TFCP2: variants seen among roughly 807,000 people sequenced by gnomAD.
TFCP2 encodes the protein transcription factor CP2.
TFCP2 carries 33 observed loss-of-function variants against 73.4 expected under a neutral mutation model. That is an observed-to-expected ratio of 0.45 (90% CI 0.34 to 0.60). The LOEUF is 0.60. Among genes scored for constraint, TFCP2 ranks in the 20% least tolerant of loss-of-function variants. The pLI, the probability that TFCP2 is intolerant of heterozygous loss-of-function variation, is 0.01. For synonymous variants in TFCP2, 193 were observed against 211.6 expected (o/e 0.91, Z 0.76); for missense variants, 352 against 604.0 (o/e 0.58, Z 4.37).
intron 1 of TFCP2, among the ~76,000 whole-genome samples, chr12:51,127,920 C>A (rs1370681734): frequency 2.4e-5 from 1 of 41,666 alleles, no homozygotes; most frequent in Non-Finnish European, 6.7e-5. Context: ...AAGCAATTTT[C>A]TTTTCTTTTT....
rs901361396 is a variant in TFCP2 at position 51,172,736 on chromosome 12, T to A, written c.-314A>T. ...TGGACTCCCGCACTCCCACTCCTCT[T>A]GAGAGTTCGTAGTGGTGGCTTGCTG... On this transcript the variant is annotated 5_prime_UTR_variant, in exon 1 of 15. Transcript: ENST00000257915. 3 of 241,206 alleles carry A rather than the reference T, an allele frequency of 1.2e-5. No individual in the cohort carries two copies. The allele number at this position is 241,206 out of a possible 1,614,324, so 14.9% of individuals were successfully genotyped here. A position where few individuals can be genotyped will look rare whatever the true frequency, so the allele number is the denominator to read the frequency against.
intron 6 of TFCP2, among the ~76,000 whole-genome samples, chr12:51,107,896 G>A (rs1940292487): frequency 1.3e-5 from 2 of 151,780 alleles, no homozygotes; most frequent in South Asian, 2.1e-4. Flanking sequence ...GAGCCACCGT[G>A]CCTAGCCTCA....
intron 1 of TFCP2, among the ~76,000 whole-genome samples, chr12:51,128,886 G>A (rs937060457): frequency 3.5e-4 from 54 of 152,136 alleles, no homozygotes; most frequent in Non-Finnish European, 2.1e-4. Flanking sequence ...TAAATACCCT[G>A]TATGACATAA....
In TFCP2 at chr12:51,107,286, G is replaced by C; in HGVS notation, c.778C>G (p.His260Asp). Reference sequence around the variant, plus strand: ...GAAGGCTGATATTTCTCCTTTTCATGAGGTGTTCGTTTCTCCATTTTTTCC... The same window carrying C: ...GAAGGCTGATATTTCTCCTTTTCATCAGGTGTTCGTTTCTCCATTTTTTCC... ...DREKMEKRTP[H>D]EKEKYQPSYE... Residue 260 changes from histidine to aspartate, a missense_variant, in exon 7 of 15, where the codon CAT (histidine) becomes GAT (aspartate). Transcript: ENST00000257915. 6.2e-7 allele frequency: 1 copy of C among 1,613,242 alleles called. No homozygotes were observed. Among genetic ancestry groups the C allele is most frequent in the South Asian group, 1.1e-5 (1 of 90,766 alleles).
At chr12:51,114,984 C>T (rs1484828707) in intron 4 of TFCP2, among the ~76,000 whole-genome samples, 1 of 135,462 alleles carries the variant, frequency 7.4e-6, no homozygotes, top group African/African-American at 2.7e-5. Flanking sequence ...TCACTTGAAC[C>T]TGGGAGGGAG....
At chr12:51,153,111 C>T (rs1368970341) in intron 1 of TFCP2, among the ~76,000 whole-genome samples, 1 of 152,214 alleles carries the variant, frequency 6.6e-6, no homozygotes, top group Non-Finnish European at 1.5e-5. Context: ...GGCACAGCAG[C>T]TCATGTTTGT....
intron 12 of TFCP2, 71 bp downstream of exon 12, chr12:51,099,584 C>A: frequency 6.4e-7 from 1 of 1,551,790 alleles, no homozygotes. Context: ...GATAGTTTCC[C>A]ATCACACATG....
At chr12:51,127,823 G>A (rs1940846583) in intron 1 of TFCP2, among the ~76,000 whole-genome samples, 1 of 152,198 alleles carries the variant, frequency 6.6e-6, no homozygotes, top group Non-Finnish European at 1.5e-5. Flanking sequence ...CTCTGCAGAT[G>A]AGACCCATGA....
intron 1 of TFCP2, among the ~76,000 whole-genome samples, chr12:51,130,073 C>A (rs1940904673): frequency 6.6e-6 from 1 of 152,088 alleles, no homozygotes; most frequent in Non-Finnish European, 1.5e-5. Context: ...ATCGCTTGAG[C>A]CTGGGAGGTC....
At chr12:51,170,895 T>C (rs1276451329) in intron 1 of TFCP2, among the ~76,000 whole-genome samples, 1 of 151,806 alleles carries the variant, frequency 6.6e-6, no homozygotes, top group Non-Finnish European at 1.5e-5. Flanking sequence ...GGCCAGGCTG[T>C]TCTCGAACTC....
intron 1 of TFCP2, among the ~76,000 whole-genome samples, chr12:51,161,174 C>T (rs1012501218): frequency 6.6e-6 from 1 of 151,712 alleles, no homozygotes; most frequent in African/African-American, 2.4e-5. Context: ...CTTCAGTGAC[C>T]GCATGCAACC....
At chr12:51,125,017 G>T in intron 1 of TFCP2, 1 of 737,574 alleles carries the variant, frequency 1.4e-6, no homozygotes. Context: ...GCATCAAAGC[G>T]AGCCACCACT....
intron 1 of TFCP2, among the ~76,000 whole-genome samples, chr12:51,141,054 T>C (rs1006704632): frequency 1.3e-5 from 2 of 151,270 alleles, no homozygotes; most frequent in Non-Finnish European, 2.9e-5. Context: ...AGACTCTGTC[T>C]AAAAAATACA....
chr12:51,140,393 G>A (rs1018519709), intron 1 of TFCP2, among the ~76,000 whole-genome samples: 4 of 145,958 alleles, frequency 2.7e-5, no homozygotes, highest in African/African-American at 7.6e-5. Context: ...GTGAGACTCT[G>A]TCTTTCTTCC....
At chr12:51,147,798 CTTAA>C (rs1347995083) in intron 1 of TFCP2, among the ~76,000 whole-genome samples, 1 of 152,102 alleles carries the variant, frequency 6.6e-6, no homozygotes, top group Non-Finnish European at 1.5e-5. Context: ...ACAGATGAGA[CTTAA>C]TTAAACTAAA....
chr12:51,114,829 C>T (rs566983401), intron 4 of TFCP2, among the ~76,000 whole-genome samples: 43 of 151,354 alleles, frequency 2.8e-4, no homozygotes, highest in African/African-American at 9.4e-4. Context: ...TTTGGGAGGC[C>T]GAGGCGGGCA....
intron 1 of TFCP2, among the ~76,000 whole-genome samples, chr12:51,140,527 C>A (rs1941170314): frequency 8.0e-6 from 1 of 124,776 alleles, no homozygotes; most frequent in South Asian, 2.8e-4. Context: ...CTCAAGTGAT[C>A]CTCCCACCTC....
chr12:51,158,977 C>G (rs557745698), intron 1 of TFCP2, among the ~76,000 whole-genome samples: 1 of 119,488 alleles, frequency 8.4e-6, no homozygotes, highest in Non-Finnish European at 1.7e-5. Flanking sequence ...GCCTGGCCAA[C>G]ATGGTGAAAC....
rs79340002 is a variant in TFCP2 at position 51,099,771 on chromosome 12, C to G, written c.1160G>C (p.Arg387Pro). 1.9e-6 allele frequency: 3 copies of G among 1,614,076 alleles called. No individual in the cohort carries two copies. Among genetic ancestry groups the G allele is most frequent in the Non-Finnish European group, 2.5e-6 (3 of 1,180,018 alleles). ...LFNALKGRMV[R>P]PRLTIYVCQE... ...ACAAACATAAATGGTTAACCTTGGA[C>G]GCACCATCCTAAGGGGAGGAAAAAG... The change falls in exon 12 of 15, where the codon CGT becomes CCT. Residue 387 changes from arginine to proline, a missense_variant. Arg to Pro is a moderately radical substitution (Grantham distance 103). Around this residue, in one of 6 missense-constraint regions of TFCP2, gnomAD observed 194 missense variants for 256.3 expected, o/e 0.76. Coordinates refer to ENST00000257915, the MANE Select transcript of TFCP2 (RefSeq NM_005653.5).
Sources: gnomAD v4.1 joint callset for allele counts (sites outside exome capture counted in the v4.1 genomes callset) on GRCh38, gnomAD v4.1.1 for gene constraint, gnomAD v4.1.1 regional missense constraint, MANE v1.5 for transcripts, NCBI Gene and HGNC (gene_info 2026-07-23, HGNC 2026-07-21) for gene names.